Variants in CLASP1 observed in about 807,000 individuals in gnomAD.
CLASP1 encodes CLIP-associating protein 1.
Under a neutral mutation model 192.3 loss-of-function variants are expected in CLASP1, and 38 were observed. The ratio of observed to expected loss-of-function variants is 0.20; its 90% CI spans 0.15 to 0.26. CLASP1 has a LOEUF of 0.26. Ranked by LOEUF, CLASP1 falls within the 10% of genes least tolerant of loss-of-function variation. The pLI, the probability that CLASP1 is intolerant of heterozygous loss-of-function variation, is 1.00. For synonymous variants in CLASP1, 691 were observed against 712.8 expected (o/e 0.97, Z 0.49); for missense variants, 1,433 against 1,932.5 (o/e 0.74, Z 4.85).
chr2:121,447,396 G>A (rs373074533), exon 19 of CLASP1: 171 of 1,579,564 alleles, frequency 1.1e-4, no homozygotes, highest in Middle Eastern at 1.7e-4. Context: ...CGTCGTGCCC[G>A]AAGATGAGGA....
At chr2:121,467,941 C>G (rs1242314920) in intron 9 of CLASP1, among the ~76,000 whole-genome samples, 2 of 152,044 alleles carry the variant, frequency 1.3e-5, no homozygotes, top group African/African-American at 4.8e-5. Context: ...TTACGTCTTT[C>G]ATCCATCTTG....
intron 1 of CLASP1, among the ~76,000 whole-genome samples, chr2:121,608,427 A>AG (rs1207039135): frequency 6.6e-6 from 1 of 152,186 alleles, no homozygotes; most frequent in African/African-American, 2.4e-5. Flanking sequence ...AAGACTTGCT[A>AG]TACAAGCAAT....
At chr2:121,532,614 T>A (rs2104845713) in intron 2 of CLASP1, 1 of 152,202 alleles carries the variant, frequency 6.6e-6, no homozygotes, top group East Asian at 1.9e-4. Context: ...CTCAAAACTG[T>A]CCAGGTCATC....
intron 2 of CLASP1, among the ~76,000 whole-genome samples, chr2:121,597,400 T>C (rs2105825674): frequency 6.6e-6 from 1 of 152,276 alleles, no homozygotes; most frequent in East Asian, 1.9e-4. Context: ...AGAGGCCAGG[T>C]ATATTCTGGA....
chr2:121,601,265 G>A (rs980554637), intron 2 of CLASP1, among the ~76,000 whole-genome samples: 11 of 150,886 alleles, frequency 7.3e-5, no homozygotes, highest in African/African-American at 2.4e-4. Flanking sequence ...GAGGAAAAGC[G>A]TTCAGCATTT....
At chr2:121,528,778 G>A (rs2094652715) in exon 4 of CLASP1, 1 of 1,612,388 alleles carries the variant, frequency 6.2e-7, no homozygotes. Context: ...AGACTTGGCA[G>A]CACTGAAAAT....
intron 2 of CLASP1, among the ~76,000 whole-genome samples, chr2:121,572,839 G>A (rs1355945576): frequency 6.6e-6 from 1 of 152,086 alleles, no homozygotes; most frequent in Non-Finnish European, 1.5e-5. Context: ...AAGGAGGAAA[G>A]GAAGCATAGT....
At position 121,500,381 on chromosome 2, in the gene CLASP1, AAAGAAAGAAAG is replaced by A. The variant is rs2093704638; in HGVS notation, c.712+2775_712+2785del. Among the ~76,000 whole-genome samples, 6 of 142,246 alleles carry A rather than the reference AAAGAAAGAAAG, an allele frequency of 4.2e-5. No individual in the cohort carries two copies. The South Asian group carries it at 8.7e-4, about 21-fold the overall frequency. 93.3% of individuals were successfully genotyped at this position (142,246 alleles called of 152,430 possible). On this transcript the variant is annotated intron_variant, in intron 8 of 39. Transcript: ENST00000263710. The stretch of plus-strand genomic sequence containing the variant: ...GAAAGAAAGAAAGAAAGAAAGAAAG[AAAGAAAGAAAG>A]AAAGAAAAGAAAGAAAGAAAGAAAA...
chr2:121,589,842 A>G (rs1282502423), intron 2 of CLASP1, among the ~76,000 whole-genome samples: 1 of 144,318 alleles, frequency 6.9e-6, no homozygotes, highest in Non-Finnish European at 1.5e-5. Flanking sequence ...TTTTGTGGAG[A>G]AAAAAAAAAG....
intron 2 of CLASP1, among the ~76,000 whole-genome samples, chr2:121,588,173 CAAAAAAAAAA>C (rs397769809): frequency 1.6e-5 from 1 of 61,056 alleles, no homozygotes; most frequent in South Asian, 5.7e-4. Flanking sequence ...GACTCCGTCT[CAAAAAAAAAA>C]AAAAAAAAAA....
At chr2:121,498,604 A>G (rs2093626359) in intron 8 of CLASP1, among the ~76,000 whole-genome samples, 2 of 152,252 alleles carry the variant, frequency 1.3e-5, no homozygotes, top group Admixed American at 1.3e-4. Flanking sequence ...AAGTGACACT[A>G]TCAAGAAAGT....
In CLASP1 at chr2:121,635,217, AAAAAG is replaced by A. The variant is rs200721929; in HGVS notation, c.-286+14150_-286+14154del. On this transcript the variant is annotated intron_variant, in intron 1 of 39. Coordinates refer to ENST00000263710, the Ensembl canonical transcript of CLASP1. Reference sequence around the variant, plus strand: ...AAGCGAGATTGCGTCTGTAAAAAAAAAAAAGAAAAGAAAAGAAAAGAAAAGAAAGA... The same window carrying A: ...AAGCGAGATTGCGTCTGTAAAAAAAAAAAAGAAAAGAAAAGAAAAGAAAGA... Among the ~76,000 whole-genome samples, 99 of 150,440 alleles carry A rather than the reference AAAAAG, an allele frequency of 6.6e-4. 1 individual carries two copies. The highest frequency in any genetic ancestry group is 2.1e-3 in the East Asian group (11 of 5,150).
chr2:121,445,025 T>C (rs1407114806), intron 19 of CLASP1: 47 of 1,086,126 alleles, frequency 4.3e-5, no homozygotes, highest in Admixed American at 1.1e-4. Context: ...ATTCAAAAAA[T>C]TAAAAAGCCG....
At chr2:121,389,220 C>G (rs962141105) in intron 30 of CLASP1, among the ~76,000 whole-genome samples, 2 of 152,038 alleles carry the variant, frequency 1.3e-5, no homozygotes, top group Non-Finnish European at 2.9e-5. Flanking sequence ...ATTTCAAATA[C>G]AGTCATTAAT....
At chr2:121,406,373 T>C (rs1385993695) in intron 25 of CLASP1, among the ~76,000 whole-genome samples, 1 of 152,246 alleles carries the variant, frequency 6.6e-6, no homozygotes, top group African/African-American at 2.4e-5. Context: ...TGTACATTTA[T>C]AAGCTACATA....
At chr2:121,343,604 C>T (rs1322843036) in intron 39 of CLASP1, among the ~76,000 whole-genome samples, 3 of 152,054 alleles carry the variant, frequency 2.0e-5, no homozygotes, top group African/African-American at 7.3e-5. Flanking sequence ...ATATGAGACA[C>T]CTGGGGTAGT....
At chr2:121,591,073 G>C (rs557278329) in intron 2 of CLASP1, among the ~76,000 whole-genome samples, 30 of 152,070 alleles carry the variant, frequency 2.0e-4, no homozygotes, top group Non-Finnish European at 3.7e-4. Flanking sequence ...TCACCATGTT[G>C]GCCAGGGTGG....
chr2:121,578,749 A>G (rs917305194), intron 2 of CLASP1, among the ~76,000 whole-genome samples: 2 of 151,114 alleles, frequency 1.3e-5, no homozygotes, highest in African/African-American at 2.4e-5. Context: ...AAAAAGTTAG[A>G]CCTCTTTTTG....
chr2:121,338,048 A>G (rs1256814124), exon 40 of CLASP1: 1 of 152,502 alleles, frequency 6.6e-6, no homozygotes, highest in Non-Finnish European at 1.5e-5. Context: ...TTGGTGGCTG[A>G]TATTTTTTCA....
Sources: gnomAD v4.1 joint callset for allele counts (sites outside exome capture counted in the v4.1 genomes callset) on GRCh38, gnomAD v4.1.1 for gene constraint, MANE v1.5 for transcripts, NCBI Gene and HGNC (gene_info 2026-07-23, HGNC 2026-07-21) for gene names.